Variants in CTNNA3 observed in about 807,000 individuals in gnomAD.
The protein encoded by CTNNA3 is catenin alpha 3, also known as catenin alpha-3.
CTNNA3 carries 76 observed loss-of-function variants against 95.7 expected under a neutral mutation model. That is an observed-to-expected ratio of 0.79 (90% CI 0.66 to 0.96). The LOEUF (loss-of-function observed/expected upper bound fraction) is 0.96. Ranked by LOEUF, CTNNA3 falls within the 40% of genes least tolerant of loss-of-function variation. CTNNA3 has a pLI of 0.00. For missense variants in CTNNA3, 1,191 were observed against 1,089.8 expected (o/e 1.09, Z -1.31); for synonymous variants, 431 against 374.4 (o/e 1.15, Z -1.74).
At chr10:66,723,719 A>C (rs976661410) in intron 9 of CTNNA3, among the ~76,000 whole-genome samples, 3 of 152,130 alleles carry the variant, frequency 2.0e-5, no homozygotes, top group African/African-American at 7.2e-5. Context: ...GTTTTGCTCT[A>C]TATAGTCTGG....
rs1481626132 is a variant in CTNNA3 at position 67,322,126 on chromosome 10, AC to A, written c.580-102257del. ...CCATGCTTATACTTGAAAAAAAAAG[AC>A]CTTTTATAAAATTATAACATTACAA... On this transcript the variant is annotated intron_variant, in intron 5 of 17. Transcript: ENST00000433211. Among the ~76,000 whole-genome samples, 5 of 149,602 alleles carry A rather than the reference AC, an allele frequency of 3.3e-5. No individual in the cohort carries two copies. In the East Asian group the frequency reaches 9.8e-4, roughly 29 times the overall value.
intron 2 of CTNNA3, among the ~76,000 whole-genome samples, chr10:67,633,061 A>C (rs866337490): frequency 6.6e-6 from 1 of 152,122 alleles, no homozygotes; most frequent in African/African-American, 2.4e-5. Flanking sequence ...GGAGAATACA[A>C]ATGGTCCAGA....
At chr10:66,919,398 A>T (rs1350061781) in intron 7 of CTNNA3, among the ~76,000 whole-genome samples, 1 of 152,092 alleles carries the variant, frequency 6.6e-6, no homozygotes, top group African/African-American at 2.4e-5. Flanking sequence ...TCTGCCACTG[A>T]AGTTTATAGT....
chr10:66,046,098 A>C (rs989085489), intron 15 of CTNNA3, among the ~76,000 whole-genome samples: 1 of 152,256 alleles, frequency 6.6e-6, no homozygotes, highest in African/African-American at 2.4e-5. Context: ...CAAGGAAACA[A>C]CTTGACCCAC....
intron 1 of CTNNA3, among the ~76,000 whole-genome samples, chr10:67,683,784 T>C (rs1286673414): frequency 6.6e-6 from 1 of 152,044 alleles, no homozygotes; most frequent in Non-Finnish European, 1.5e-5. Context: ...AGTTTCTTCC[T>C]TCCGGTGGGT....
intron 9 of CTNNA3, among the ~76,000 whole-genome samples, chr10:66,750,806 G>C (rs373666683): frequency 9.8e-5 from 15 of 152,294 alleles, no homozygotes; most frequent in Middle Eastern, 3.4e-3. Context: ...GTGAAGAAGT[G>C]ACATGTTTGA....
intron 13 of CTNNA3, among the ~76,000 whole-genome samples, chr10:66,277,536 G>A (rs2091420698): frequency 6.6e-6 from 1 of 152,082 alleles, no homozygotes; most frequent in African/African-American, 2.4e-5. Flanking sequence ...CTGTGAAAAA[G>A]GGACAGTCTT....
At chr10:67,676,597 C>T (rs1410190169) in intron 1 of CTNNA3, among the ~76,000 whole-genome samples, 2 of 152,086 alleles carry the variant, frequency 1.3e-5, no homozygotes, top group African/African-American at 2.4e-5. Context: ...GAAAGAAAGG[C>T]AGAGAAGTGG....
Position 67,108,330 on chromosome 10 carries a change from T to C in CTNNA3, c.1047+71987A>G, listed in dbSNP as rs57835730. On this transcript the variant is annotated intron_variant, in intron 7 of 17. Coordinates refer to ENST00000433211, the MANE Select transcript of CTNNA3 (RefSeq NM_013266.4). Reference sequence around the variant, plus strand: ...TTTAAGTTGAGAAATATTCTCTTCATCAAATTCTGGACAATTAAGTTACAG... The same window carrying C: ...TTTAAGTTGAGAAATATTCTCTTCACCAAATTCTGGACAATTAAGTTACAG... Among the ~76,000 whole-genome samples the C allele has an allele frequency of 0.011, 1,654 of 152,272 alleles. 59 individuals are homozygous for C. In the East Asian group the frequency reaches 0.12, roughly 11 times the overall value.
At chr10:67,009,364 T>C (rs1248545003) in intron 7 of CTNNA3, among the ~76,000 whole-genome samples, 1 of 152,160 alleles carries the variant, frequency 6.6e-6, no homozygotes. Context: ...CTAACTTGGT[T>C]TTCAGTCACA....
intron 11 of CTNNA3, among the ~76,000 whole-genome samples, chr10:66,382,024 A>ATGGATGAT (rs1186468935): frequency 6.6e-6 from 1 of 152,088 alleles, no homozygotes; most frequent in Admixed American, 6.6e-5. Context: ...GATGCAGAAG[A>ATGGATGAT]TGGATGATTT....
intron 5 of CTNNA3, among the ~76,000 whole-genome samples, chr10:67,401,523 T>C (rs1201207206): frequency 6.6e-6 from 1 of 152,064 alleles, no homozygotes; most frequent in Non-Finnish European, 1.5e-5. Flanking sequence ...ACTGGAAAGG[T>C]ACCTGGGGAA....
At chr10:67,711,586 TTTA>T (rs1470325641) in intron 1 of CTNNA3, among the ~76,000 whole-genome samples, 3 of 152,140 alleles carry the variant, frequency 2.0e-5, no homozygotes, top group Non-Finnish European at 4.4e-5. Flanking sequence ...TATTTATTTA[TTTA>T]TTTTTTATTA....
intron 2 of CTNNA3, among the ~76,000 whole-genome samples, chr10:67,608,971 T>G (rs543070026): frequency 2.0e-5 from 3 of 150,684 alleles, no homozygotes; most frequent in African/African-American, 7.3e-5. Context: ...ATGCCTATAA[T>G]CCCAGCTACT....
intron 11 of CTNNA3, among the ~76,000 whole-genome samples, chr10:66,519,060 AT>A (rs1326985702): frequency 6.6e-6 from 1 of 152,084 alleles, no homozygotes; most frequent in Non-Finnish European, 1.5e-5. Context: ...GAGAATTTGC[AT>A]TTTATAAGAA....
At chr10:66,919,134 TAAAA>T (rs5785804) in intron 7 of CTNNA3, among the ~76,000 whole-genome samples, 6 of 111,936 alleles carry the variant, frequency 5.4e-5, no homozygotes, top group Non-Finnish European at 7.1e-5. Flanking sequence ...GACTCTGTCT[TAAAA>T]AAAAAAAAAA....
At chr10:66,441,156 G>T (rs1043384140) in intron 11 of CTNNA3, among the ~76,000 whole-genome samples, 2 of 152,132 alleles carry the variant, frequency 1.3e-5, no homozygotes, top group African/African-American at 4.8e-5. Context: ...AACACAGCAA[G>T]ACCCTGTCTT....
intron 9 of CTNNA3, among the ~76,000 whole-genome samples, chr10:66,728,317 ACT>A (rs1342489284): frequency 6.6e-6 from 1 of 152,128 alleles, no homozygotes; most frequent in Admixed American, 6.6e-5. Context: ...TTCCCTGTAC[ACT>A]CTGGATATTA....
chr10:66,943,389 C>T (rs1439861061), intron 7 of CTNNA3, among the ~76,000 whole-genome samples: 2 of 152,034 alleles, frequency 1.3e-5, no homozygotes, highest in African/African-American at 4.8e-5. Flanking sequence ...AAATTAGAAA[C>T]TGACTATACC....
Sources: gnomAD v4.1 joint callset for allele counts (sites outside exome capture counted in the v4.1 genomes callset) on GRCh38, gnomAD v4.1.1 for gene constraint, MANE v1.5 for transcripts, NCBI Gene and HGNC (gene_info 2026-07-23, HGNC 2026-07-21) for gene names.